PLEKHM2: variants seen among roughly 807,000 people sequenced by gnomAD.
PLEKHM2 encodes pleckstrin homology and RUN domain containing M2, also known as pleckstrin homology domain-containing family M member 2.
PLEKHM2 carries 77 observed loss-of-function variants against 116.3 expected under a neutral mutation model. The ratio of observed to expected loss-of-function variants is 0.66; its 90% confidence interval spans 0.55 to 0.80. The LOEUF (loss-of-function observed/expected upper bound fraction) is 0.80. PLEKHM2 is among the 30% of genes least tolerant of loss of function. The pLI is 0.00. For synonymous variants in PLEKHM2, 562 were observed against 571.0 expected (o/e 0.98, Z 0.22); for missense variants, 1,183 against 1,354.9 (o/e 0.87, Z 1.99).
In PLEKHM2 at chr1:15,727,093, A is replaced by C. The variant is rs886205223; in HGVS notation, c.1021A>C (p.Ser341Arg). 1.7e-5 allele frequency: 26 copies of C among 1,550,404 alleles called. No homozygotes were observed. The highest frequency in any genetic ancestry group is 2.1e-5 in the Non-Finnish European group (24 of 1,149,562). The change falls in exon 9 of 20, where the codon AGC becomes CGC. Residue 341 changes from serine (S) to arginine (R), a missense_variant. By Grantham distance (110) the Ser-to-Arg change is moderately radical. Around this residue, in one of 3 missense-constraint regions of PLEKHM2, gnomAD observed 372 missense variants for 357.2 expected, o/e 1.04. Transcript: ENST00000375799. This position sits in a 1 kb window ranked among gnomAD's most constrained non-coding sequence, Gnocchi z 7.5. ...EEASPLHPAC[S>R]QKKCAKQGDG... ...GGCAAGTCCACTCCACCCCGCCTGC[A>C]GCCAGAAGAAATGTGCCAAGCAGGG...
intron 1 of PLEKHM2, among the ~76,000 whole-genome samples, chr1:15,690,723 T>A (rs1640873155): frequency 6.6e-6 from 1 of 152,210 alleles, no homozygotes; most frequent in South Asian, 2.1e-4. Flanking sequence ...TGTGGACACT[T>A]GTAAATCCCA....
intron 1 of PLEKHM2, among the ~76,000 whole-genome samples, chr1:15,703,251 C>T (rs558146186): frequency 2.6e-5 from 4 of 152,330 alleles, no homozygotes; most frequent in East Asian, 1.9e-4. Flanking sequence ...TCTGTGTCTG[C>T]GGTGGCTGAG....
At position 15,729,723 on chromosome 1, in the gene PLEKHM2, C is replaced by A; in HGVS notation, c.2076-74C>A. ...TTCTGTGACCCCTCCAGGCCAGCAG[C>A]GCTCAAGACTAAGCCCTGTCCAGTT... On this transcript the variant is annotated intron_variant, in intron 13 of 19. Transcript: ENST00000375799. This position sits in a 1 kb window ranked among gnomAD's most constrained non-coding sequence, Gnocchi z 4.7. 1.5e-6 allele frequency: 2 copies of A among 1,360,828 alleles called. No individual in the cohort carries two copies. The highest frequency in any genetic ancestry group is 2.2e-5 in the Admixed American group (1 of 45,610). The allele number at this position is 1,360,828 out of a possible 1,614,324, so 84.3% of individuals were successfully genotyped here.
intron 1 of PLEKHM2, among the ~76,000 whole-genome samples, chr1:15,713,990 G>A (rs1239828855): frequency 6.8e-6 from 1 of 147,878 alleles, no homozygotes; most frequent in East Asian, 2.0e-4. Flanking sequence ...TGCCCAGGCT[G>A]GAGTGCAGTG....
chr1:15,725,423 C>T lies in PLEKHM2; in HGVS notation c.819C>T (p.Asn273=), dbSNP rs374011612. The T allele has an allele frequency of 7.1e-5, 110 of 1,557,706 alleles. No homozygotes were observed. Among genetic ancestry groups the T allele is most frequent in the African/African-American group, 5.5e-5 (4 of 73,216 alleles). The change falls in exon 8 of 20, where the codon AAC becomes AAT. Residue 273 remains asparagine (N), a synonymous_variant. Coordinates refer to ENST00000375799, the MANE Select transcript of PLEKHM2 (RefSeq NM_015164.4). ...RSPTQRQNPF[N]EEPAETVSSS... ...CCACCCAGCGCCAGAACCCCTTCAA[C>T]GAGGAGCCGGCAGAGACTGTGTCCT... is the stretch of plus-strand genomic sequence containing the variant.
At chr1:15,687,954 A>G (rs1640806568) in intron 1 of PLEKHM2, among the ~76,000 whole-genome samples, 2 of 152,216 alleles carry the variant, frequency 1.3e-5, no homozygotes, top group Non-Finnish European at 2.9e-5. Context: ...GTGTATTTCT[A>G]TATTTGCAAA....
intron 19 of PLEKHM2, among the ~76,000 whole-genome samples, chr1:15,732,938 G>A (rs564977461): frequency 3.3e-5 from 5 of 152,360 alleles, no homozygotes; most frequent in African/African-American, 9.6e-5. Flanking sequence ...TGTCCTTGCC[G>A]TCTCTTGCTG....
chr1:15,725,783 C>T, intron 8 of PLEKHM2: 1 of 562,306 alleles, frequency 1.8e-6, no homozygotes, highest in South Asian at 2.2e-5. Flanking sequence ...AACAGACATT[C>T]TTTCTCACAG....
In PLEKHM2 at chr1:15,725,094, G is replaced by GC. The variant is rs201478013; in HGVS notation, c.713-219dup. 7.8e-3 allele frequency among the ~76,000 whole-genome samples: 1,188 copies of GC among 152,182 alleles called. 20 individuals are homozygous for GC. Among genetic ancestry groups the GC allele is most frequent in the African/African-American group, 0.027 (1,110 of 41,456 alleles). On this transcript the variant is annotated intron_variant, in intron 7 of 19. Transcript: ENST00000375799. ...AGCCAAATTGTTGTGAGCTCCGGAG[G>GC]CCCCAGGGGTGGTGGAGATGGTGTT... is the stretch of plus-strand genomic sequence containing the variant.
At chr1:15,731,846 C>T in intron 16 of PLEKHM2, 43 bp from the exon 17 acceptor site, 6 of 1,571,896 alleles carry the variant, frequency 3.8e-6, no homozygotes, top group Non-Finnish European at 4.3e-6. Context: ...CCCGTGCTGC[C>T]CTTGCCTCCT....
At position 15,734,100 on chromosome 1, in the gene PLEKHM2, T is replaced by C; in HGVS notation, c.*166T>C. 1 of 743,228 alleles carries C rather than the reference T, an allele frequency of 1.3e-6. No individual in the cohort carries two copies. Among genetic ancestry groups the C allele is most frequent in the Middle Eastern group, 4.0e-4 (1 of 2,522 alleles). 46.0% of individuals were successfully genotyped at this position (743,228 alleles called of 1,614,324 possible). Reference sequence around the variant, plus strand: ...AGACAGGGTCCCTCCACTCCAGGGATCCAGATCAGGTGCCCGGCACCCCTG... The same window carrying C: ...AGACAGGGTCCCTCCACTCCAGGGACCCAGATCAGGTGCCCGGCACCCCTG... On this transcript the variant is annotated 3_prime_UTR_variant, in exon 20 of 20. Transcript: ENST00000375799.
At chr1:15,693,568 A>G (rs1640929760) in intron 1 of PLEKHM2, among the ~76,000 whole-genome samples, 1 of 152,228 alleles carries the variant, frequency 6.6e-6, no homozygotes, top group Non-Finnish European at 1.5e-5. Context: ...TAACAGAAAC[A>G]GGTCACCATC....
At chr1:15,704,077 A>C (rs565275273) in intron 1 of PLEKHM2, among the ~76,000 whole-genome samples, 1 of 152,128 alleles carries the variant, frequency 6.6e-6, no homozygotes, top group Non-Finnish European at 1.5e-5. Flanking sequence ...GACCTTGCTT[A>C]CTTTTGAATT....
At chr1:15,710,569 C>T (rs1476998638) in intron 1 of PLEKHM2, among the ~76,000 whole-genome samples, 5 of 151,926 alleles carry the variant, frequency 3.3e-5, no homozygotes, top group African/African-American at 9.7e-5. Flanking sequence ...TCAGGTGATC[C>T]GCCTGCTTTG....
Position 15,703,606 on chromosome 1 carries a change from A to G in PLEKHM2, c.61-12631A>G, listed in dbSNP as rs1297772171. On this transcript the variant is annotated intron_variant, in intron 1 of 19. Coordinates refer to ENST00000375799, the MANE Select transcript of PLEKHM2 (RefSeq NM_015164.4). ...AGTTAATTATTAGAGACCAATCTGG[A>G]AGGATTTCTTCGTATCAACCATAGT... is the stretch of plus-strand genomic sequence containing the variant. Among the ~76,000 whole-genome samples, 3 of 152,270 alleles carry G rather than the reference A, an allele frequency of 2.0e-5. No homozygotes were observed. In the East Asian group the frequency reaches 5.8e-4, roughly 29 times the overall value.
intron 1 of PLEKHM2, among the ~76,000 whole-genome samples, chr1:15,693,094 G>A (rs1640920874): frequency 7.0e-6 from 1 of 142,128 alleles, no homozygotes; most frequent in Admixed American, 7.0e-5. Context: ...AGGCTGTAGG[G>A]CAGTGGCGCA....
rs1277218226 is a variant in PLEKHM2, at chr1:15,706,202, G to A, written c.61-10035G>A. On this transcript the variant is annotated intron_variant, in intron 1 of 19. Coordinates refer to ENST00000375799, the MANE Select transcript of PLEKHM2 (RefSeq NM_015164.4). ...AATGAAACGCAAAGCCCCTCGCACG[G>A]CCTGTGTGGCTGTGCATGATCCGGC... Among the ~76,000 whole-genome samples the A allele has an allele frequency of 2.0e-5, 3 of 152,136 alleles. No individual in the cohort carries two copies. In the East Asian group the frequency reaches 5.8e-4, roughly 29 times the overall value.
Position 15,730,720 on chromosome 1 carries a change from C to T in PLEKHM2, c.2397C>T (p.Leu799=), listed in dbSNP as rs1436283255. The part of the protein sequence containing the change: ...KEHWKTCFVV[L]SNGILYQYPD... ...ACTGGAAGACGTGCTTCGTGGTGCT[C>T]AGGTGGGAGCCCTGGCAGCTCTAGG... The change falls in exon 15 of 20, where the codon CTC becomes CTT. Residue 799 remains leucine, a splice_region_variant and synonymous_variant. Coordinates refer to ENST00000375799, the MANE Select transcript of PLEKHM2 (RefSeq NM_015164.4). The T allele has an allele frequency of 1.9e-6, 3 of 1,593,550 alleles. No individual in the cohort carries two copies. The highest frequency in any genetic ancestry group is 8.5e-7 in the Non-Finnish European group (1 of 1,170,592).
In PLEKHM2 at chr1:15,684,608, C is replaced by A; in HGVS notation, c.50C>A (p.Ser17Ter). Residue 17 changes from serine to a stop codon, truncating the protein, a stop_gained, in exon 1 of 20, where the codon TCG (serine) becomes TAG (stop). Coordinates refer to ENST00000375799, the MANE Select transcript of PLEKHM2 (RefSeq NM_015164.4). LOFTEE classifies it high-confidence loss of function. ...CGGATCCTGGAGAACATCTCGCTGTCGGTGAAGAAGGTGAGCGCGGCCTCC... is the reference window on the plus strand; with the variant it reads ...CGGATCCTGGAGAACATCTCGCTGTAGGTGAAGAAGGTGAGCGCGGCCTCC... Reference protein sequence around the residue: ...KDRILENISLSVKKLQSYFAA... With the variant: ...KDRILENISL 1 of 1,311,522 alleles carries A rather than the reference C, an allele frequency of 7.6e-7. No individual in the cohort carries two copies. The highest frequency in any genetic ancestry group is 2.4e-5 in the South Asian group (1 of 42,152). 81.2% of individuals were successfully genotyped at this position (1,311,522 alleles called of 1,614,324 possible).
Sources: allele counts gnomAD v4.1 joint callset (sites outside exome capture counted in the v4.1 genomes callset), GRCh38; gene constraint gnomAD v4.1.1; regional missense constraint gnomAD v4.1.1; non-coding constraint Gnocchi (gnomAD v3.1); transcripts MANE v1.5; gene names NCBI Gene and HGNC (gene_info 2026-07-23, HGNC 2026-07-21).